PAIP1: variants seen among roughly 807,000 people sequenced by gnomAD.
The protein encoded by PAIP1 is poly(A) binding protein interacting protein 1.
Under a neutral mutation model 61.3 loss-of-function variants are expected in PAIP1, and 16 were observed. The ratio of observed to expected loss-of-function variants is 0.26; its 90% CI spans 0.18 to 0.40. The LOEUF is 0.40. Among genes scored for constraint, PAIP1 ranks in the 10% least tolerant of loss-of-function variants. The pLI, the probability that PAIP1 is intolerant of heterozygous loss-of-function variation, is 1.00. For missense variants in PAIP1, 416 were observed against 600.9 expected, an observed-to-expected ratio of 0.69 and a Z score of 3.22; for synonymous variants, 187 against 226.2, an observed-to-expected ratio of 0.83 and a Z score of 1.56.
chr5:43,553,261 C>G (rs1747933329), intron 2 of PAIP1, among the ~76,000 whole-genome samples: 2 of 152,108 alleles, frequency 1.3e-5, no homozygotes. Flanking sequence ...GAAATTCTAG[C>G]AGCAGGATTA....
chr5:43,551,312 T>C (rs1747858207), intron 2 of PAIP1, among the ~76,000 whole-genome samples: 2 of 152,194 alleles, frequency 1.3e-5, no homozygotes, highest in South Asian at 4.1e-4. Flanking sequence ...TGTACAAAGA[T>C]GTTCATTGCC....
chr5:43,550,835 T>TAAAAAAAAAAAA (rs1561237942), intron 2 of PAIP1, among the ~76,000 whole-genome samples: 1 of 4,488 alleles, frequency 2.2e-4, no homozygotes, highest in African/African-American at 2.9e-3. Flanking sequence ...TGAAATATAC[T>TAAAAAAAAAAAA]ACAAAAAAAA....
intron 8 of PAIP1, among the ~76,000 whole-genome samples, chr5:43,534,009 GCTGT>G (rs931074224): frequency 3.3e-5 from 5 of 152,276 alleles, no homozygotes; most frequent in South Asian, 2.1e-4. Context: ...TTCTAACGGT[GCTGT>G]CTATTGTCTT....
chr5:43,544,983 C>T (rs980854963), intron 3 of PAIP1, among the ~76,000 whole-genome samples: 7 of 152,222 alleles, frequency 4.6e-5, no homozygotes, highest in Admixed American at 1.3e-4. Flanking sequence ...TTTCACCCCA[C>T]TCTACTATTT....
chr5:43,542,980 C>T, intron 4 of PAIP1, 24 bp downstream of exon 4: 3 of 1,232,314 alleles, frequency 2.4e-6, no homozygotes, highest in African/African-American at 3.0e-5. Flanking sequence ...AGTAGTTTTC[C>T]TTTAATTTCA....
chr5:43,534,502 C>G (rs1354200832), intron 8 of PAIP1, among the ~76,000 whole-genome samples: 4 of 152,122 alleles, frequency 2.6e-5, no homozygotes, highest in Non-Finnish European at 5.9e-5. Context: ...CCCAGCCAAC[C>G]AATTTTATTT....
chr5:43,532,772 CA>C (rs1354055986), intron 9 of PAIP1, among the ~76,000 whole-genome samples: 1 of 152,092 alleles, frequency 6.6e-6, no homozygotes, highest in African/African-American at 2.4e-5. Context: ...GTAAGACAGA[CA>C]AATGATCCAA....
At chr5:43,546,981 C>T (rs4866748) in intron 3 of PAIP1, among the ~76,000 whole-genome samples, 147,963 of 148,664 alleles carry the variant, frequency 1, 73,638 homozygotes, top group Middle Eastern at 1. Context: ...AGACGGAGGT[C>T]GCAGGGAGCT....
In PAIP1 at chr5:43,538,980, G is replaced by T; in HGVS notation, c.790C>A (p.Arg264=). 6.2e-7 allele frequency: 1 copy of T among 1,611,616 alleles called. No individual in the cohort carries two copies. Among genetic ancestry groups the T allele is most frequent in the South Asian group, 1.1e-5 (1 of 90,986 alleles). Residue 264 remains arginine (R), a synonymous_variant, in exon 5 of 11, where the codon CGA becomes AGA. Transcript: ENST00000306846. The part of the protein sequence containing the change: ...DQAAKGDEVT[R]KRFHAFVLFL... ...AGTACAAATGCATGAAATCGTTTTC[G>T]AGTAACTTCATCCCCTTTTGCAGCT... is the stretch of plus-strand genomic sequence containing the variant.
intron 7 of PAIP1, 28 bp from the exon 8 acceptor site, chr5:43,534,998 TGTATCCACCATAAG>T: frequency 1.6e-6 from 2 of 1,233,380 alleles, no homozygotes; most frequent in Non-Finnish European, 2.4e-6. Context: ...AATGAGTTAG[TGTATCCACCATAAG>T]GGCTGTCAGA....
intron 10 of PAIP1, among the ~76,000 whole-genome samples, chr5:43,527,742 T>G (rs879466178): frequency 4.6e-5 from 7 of 152,152 alleles, no homozygotes; most frequent in Admixed American, 2.6e-4. Context: ...AACCTGAAAG[T>G]TAATCAAAGG....
intron 5 of PAIP1, among the ~76,000 whole-genome samples, chr5:43,537,803 G>A (rs896273397): frequency 2.0e-5 from 3 of 151,976 alleles, no homozygotes; most frequent in Non-Finnish European, 2.9e-5. Context: ...AGACCAGCGT[G>A]GCCAACATGG....
rs1746751393 is a variant in PAIP1 at position 43,527,461 on chromosome 5, T to C, written c.1355A>G (p.Asp452Gly). The change falls in exon 11 of 11, where the codon GAT becomes GGT. Residue 452 changes from aspartate to glycine, a missense_variant. Around this residue, in one of 4 missense-constraint regions of PAIP1, gnomAD observed 135 missense variants for 283.9 expected, o/e 0.48. Transcript: ENST00000306846. ...DLSGAGDPYL[D>G]DIDDEMDPEI... ...TGGGTCCATCTCATCATCAATATCA[T>C]CCAAGTATCTGTAAAAGCAAAGATG... 5.0e-6 allele frequency: 8 copies of C among 1,605,340 alleles called. No homozygotes were observed. Among genetic ancestry groups the C allele is most frequent in the Non-Finnish European group, 6.8e-6 (8 of 1,176,138 alleles).
In PAIP1 at chr5:43,533,773, G is replaced by A. The variant is rs754032069; in HGVS notation, c.1217C>T (p.Thr406Ile). Residue 406 changes from threonine to isoleucine, a missense_variant, in exon 9 of 11, where the codon ACA becomes ATA. Coordinates refer to ENST00000306846, the MANE Select transcript of PAIP1 (RefSeq NM_006451.5). ...NYFMNEPTFY[T>I]SDGVPFTAAD... ...TGCAGTGAAAGGAACACCATCAGAT[G>A]TATAAAATGTTGGTTCATTCTAGGA... The A allele has an allele frequency of 1.3e-6, 2 of 1,580,750 alleles. No homozygotes were observed. Among genetic ancestry groups the A allele is most frequent in the Non-Finnish European group, 8.7e-7 (1 of 1,149,590 alleles).
At chr5:43,536,141 T>C (rs1747144825) in intron 6 of PAIP1, among the ~76,000 whole-genome samples, 1 of 152,290 alleles carries the variant, frequency 6.6e-6, no homozygotes, top group Non-Finnish European at 1.5e-5. Context: ...ATTATATCCA[T>C]CACTATAAGG....
chr5:43,546,677 A>G (rs1172776937), intron 3 of PAIP1, among the ~76,000 whole-genome samples: 1 of 152,082 alleles, frequency 6.6e-6, no homozygotes, highest in Non-Finnish European at 1.5e-5. Context: ...ATTTTTTTTG[A>G]CCAGTCTCAC....
intron 5 of PAIP1, among the ~76,000 whole-genome samples, chr5:43,538,576 T>A (rs1395616177): frequency 1.3e-5 from 2 of 152,190 alleles, no homozygotes; most frequent in South Asian, 2.1e-4. Flanking sequence ...TGAGCCACCA[T>A]CTGAAAGTCA....
At chr5:43,552,580 AG>A (rs1216460846) in intron 2 of PAIP1, among the ~76,000 whole-genome samples, 1 of 152,204 alleles carries the variant, frequency 6.6e-6, no homozygotes, top group Non-Finnish European at 1.5e-5. Flanking sequence ...CTGCCACAGA[AG>A]CCAAAGAGGT....
At chr5:43,545,158 C>A (rs1258777781) in intron 3 of PAIP1, among the ~76,000 whole-genome samples, 1 of 152,228 alleles carries the variant, frequency 6.6e-6, no homozygotes, top group African/African-American at 2.4e-5. Context: ...AAACTCACTA[C>A]TCTGTAAATT....
Sources: gnomAD v4.1 joint callset for allele counts (sites outside exome capture counted in the v4.1 genomes callset) on GRCh38, gnomAD v4.1.1 for gene constraint, gnomAD v4.1.1 regional missense constraint, MANE v1.5 for transcripts, NCBI Gene and HGNC (gene_info 2026-07-23, HGNC 2026-07-21) for gene names.